Variants in EPSTI1 observed in about 807,000 individuals in gnomAD.
EPSTI1 encodes the protein epithelial-stromal interaction protein 1.
A neutral mutation model predicts 49.9 loss-of-function variants in EPSTI1; 66 were observed. The observed-to-expected ratio is 1.32, with a 90% CI of 1.08 to 1.62. The LOEUF (loss-of-function observed/expected upper bound fraction) is 1.62. EPSTI1 is among the 40% of genes most tolerant of loss of function. The probability of loss-of-function intolerance (pLI) is 0.00; values close to 1 mark genes in which losing one functional copy is unlikely to be tolerated. For synonymous variants in EPSTI1, 137 were observed against 130.7 expected (o/e 1.05, Z -0.33); for missense variants, 394 against 365.5 (o/e 1.08, Z -0.64).
chr13:42,911,995 A>ATT (rs1364595693), intron 8 of EPSTI1, among the ~76,000 whole-genome samples: 1 of 152,080 alleles, frequency 6.6e-6, no homozygotes, highest in Non-Finnish European at 1.5e-5. Flanking sequence ...TATAATAATA[A>ATT]TTTTCTCTGT....
intron 8 of EPSTI1, among the ~76,000 whole-genome samples, chr13:42,905,650 C>T (rs578182887): frequency 2.1e-4 from 32 of 152,270 alleles, no homozygotes; most frequent in African/African-American, 7.0e-4. Flanking sequence ...TAAGGCCTGG[C>T]CTACTCAATG....
intron 8 of EPSTI1, among the ~76,000 whole-genome samples, chr13:42,907,883 A>C (rs147381433): frequency 1.2e-4 from 19 of 152,326 alleles, no homozygotes; most frequent in Admixed American, 4.6e-4. Flanking sequence ...AATAACCAAA[A>C]CAGCGTGGTA....
Position 42,900,362 on chromosome 13 carries a change from G to A in EPSTI1, c.763C>T (p.Arg255Trp), listed in dbSNP as rs560884402. The A allele has an allele frequency of 2.6e-5, 42 of 1,613,472 alleles. No individual in the cohort carries two copies. In the African/African-American group the frequency reaches 2.8e-4, roughly 11 times the overall value. Residue 255 changes from arginine to tryptophan, a missense_variant, in exon 9 of 11, where the codon CGG becomes TGG. Physicochemically the swap from Arg to Trp is moderately radical, Grantham distance 101. Coordinates refer to ENST00000313624, the MANE Select transcript of EPSTI1 (RefSeq NM_033255.5). ...GCTCTTTCTTGCTCTTGCTGCTGCCGTTTCAGTTCCAGTAATTCACTCTAG... is the reference window on the plus strand; with the variant it reads ...GCTCTTTCTTGCTCTTGCTGCTGCCATTTCAGTTCCAGTAATTCACTCTAG... ...HQKSELLELK[R>W]QQQEQERAKI... is the part of the protein sequence containing the mutation.
At chr13:42,979,489 G>C (rs2039944687) in intron 1 of EPSTI1, among the ~76,000 whole-genome samples, 1 of 151,912 alleles carries the variant, frequency 6.6e-6, no homozygotes, top group Non-Finnish European at 1.5e-5. Flanking sequence ...GGCTGAGGCA[G>C]GAGAATGGCG....
chr13:42,965,181 T>C (rs2039569968), intron 3 of EPSTI1, among the ~76,000 whole-genome samples: 1 of 152,210 alleles, frequency 6.6e-6, no homozygotes, highest in South Asian at 2.1e-4. Context: ...CTGCAACCAT[T>C]CCAATATTGT....
intron 1 of EPSTI1, among the ~76,000 whole-genome samples, chr13:42,980,458 A>G (rs2039967760): frequency 6.6e-6 from 1 of 152,194 alleles, no homozygotes; most frequent in East Asian, 1.9e-4. Flanking sequence ...GTGGAAGGCA[A>G]AGGAGGAGCA....
chr13:42,955,880 G>C (rs1320543732), intron 5 of EPSTI1, among the ~76,000 whole-genome samples: 27 of 136,030 alleles, frequency 2.0e-4, no homozygotes, highest in East Asian at 1.4e-3. Flanking sequence ...AAGTATTTGG[G>C]GGGGGGGGGA....
chr13:42,919,432 A>G, intron 7 of EPSTI1: 1 of 1,081,310 alleles, frequency 9.2e-7, no homozygotes, highest in Non-Finnish European at 1.4e-6. Flanking sequence ...TTTGTCTAAC[A>G]TTGAAATATT....
chr13:42,986,808 G>A (rs371985990), intron 1 of EPSTI1, among the ~76,000 whole-genome samples: 1 of 151,140 alleles, frequency 6.6e-6, no homozygotes, highest in Non-Finnish European at 1.5e-5. Flanking sequence ...GGGGAGAGGC[G>A]GGGGCTGGAG....
chr13:42,970,754 T>G (rs1488308774), intron 1 of EPSTI1, 84 bp from the exon 2 acceptor site: 13 of 1,054,912 alleles, frequency 1.2e-5, no homozygotes, highest in Non-Finnish European at 1.8e-5. Context: ...CCTTCTATTA[T>G]ACTGTATTTA....
intron 5 of EPSTI1, among the ~76,000 whole-genome samples, chr13:42,961,281 G>A (rs1379498636): frequency 1.3e-5 from 2 of 152,136 alleles, no homozygotes; most frequent in African/African-American, 4.8e-5. Flanking sequence ...AGCATTTACT[G>A]ATTTCCACAT....
intron 8 of EPSTI1, among the ~76,000 whole-genome samples, chr13:42,908,483 TGA>T (rs1566106814): frequency 2.5e-4 from 15 of 61,138 alleles, no homozygotes; most frequent in Non-Finnish European, 2.4e-4. Flanking sequence ...GACTCTGTTA[TGA>T]AAAAAAAAAA....
chr13:42,890,296 C>CTTTTCTTTTTT (rs1470146396), intron 10 of EPSTI1, among the ~76,000 whole-genome samples: 41 of 116,294 alleles, frequency 3.5e-4, no homozygotes, highest in East Asian at 1.5e-3. Flanking sequence ...TTTTTCTTTT[C>CTTTTCTTTTTT]TTTTTTTTTT....
intron 9 of EPSTI1, among the ~76,000 whole-genome samples, chr13:42,896,475 T>C (rs915528849): frequency 6.6e-6 from 1 of 152,218 alleles, no homozygotes; most frequent in African/African-American, 2.4e-5. Flanking sequence ...GGGCTTTCAC[T>C]CAGCATCCTC....
At chr13:42,974,204 C>T (rs905020748) in intron 1 of EPSTI1, among the ~76,000 whole-genome samples, 44 of 151,900 alleles carry the variant, frequency 2.9e-4, no homozygotes, top group Admixed American at 1.0e-3. Context: ...GGTGTGATAG[C>T]ACACGCCTGT....
intron 7 of EPSTI1, among the ~76,000 whole-genome samples, chr13:42,918,516 C>T (rs548967785): frequency 1.8e-4 from 28 of 152,262 alleles, no homozygotes; most frequent in African/African-American, 6.7e-4. Context: ...AGGCTGGTTC[C>T]CCCTTTTTCC....
At chr13:42,959,808 T>C (rs1009268712) in intron 5 of EPSTI1, among the ~76,000 whole-genome samples, 1 of 152,230 alleles carries the variant, frequency 6.6e-6, no homozygotes, top group Non-Finnish European at 1.5e-5. Context: ...GAAGTATAGT[T>C]GGTCCTCCTT....
chr13:42,991,247 T>C (rs2040188884), intron 1 of EPSTI1: 1 of 152,424 alleles, frequency 6.6e-6, no homozygotes, highest in African/African-American at 2.4e-5. Context: ...CCTGTTAGTG[T>C]CTGATACAGT....
At chr13:42,925,511 G>A (rs73470104) in intron 7 of EPSTI1, among the ~76,000 whole-genome samples, 1 of 152,058 alleles carries the variant, frequency 6.6e-6, no homozygotes, top group South Asian at 2.1e-4. Context: ...CAGGGCCTAG[G>A]GATACTAAGC....
Sources: gnomAD v4.1 joint callset for allele counts (sites outside exome capture counted in the v4.1 genomes callset) on GRCh38, gnomAD v4.1.1 for gene constraint, MANE v1.5 for transcripts, NCBI Gene and HGNC (gene_info 2026-07-23, HGNC 2026-07-21) for gene names.